The following RCOR1 variants were observed in gnomAD, a reference collection of about 807,000 sequenced individuals.
The protein encoded by RCOR1 is REST corepressor 1, also known as REST corepressor.
RCOR1 carries 12 observed loss-of-function variants against 64.0 expected under a neutral mutation model. The ratio of observed to expected loss-of-function variants is 0.19; its 90% CI spans 0.12 to 0.30. The LOEUF is 0.30. Among genes scored for constraint, RCOR1 ranks in the 10% least tolerant of loss-of-function variants. The pLI is 1.00. For missense variants in RCOR1, 502 were observed against 621.2 expected, an observed-to-expected ratio of 0.81 and a Z score of 2.04; for synonymous variants, 279 against 227.2, an observed-to-expected ratio of 1.23 and a Z score of -2.05.
intron 2 of RCOR1, chr14:102,656,220 A>G (rs1434065519): frequency 1.6e-5 from 7 of 425,176 alleles, no homozygotes; most frequent in Non-Finnish European, 2.2e-5. Flanking sequence ...GCTCACTGCA[A>G]CCTCCACCTC....
intron 2 of RCOR1, among the ~76,000 whole-genome samples, chr14:102,679,832 TTA>T (rs1895267686): frequency 6.6e-6 from 1 of 152,224 alleles, no homozygotes; most frequent in African/African-American, 2.4e-5. Context: ...TTTTTTGTAA[TTA>T]GTCTTGATTT....
At chr14:102,689,374 C>G (rs193213157) in intron 3 of RCOR1, among the ~76,000 whole-genome samples, 12 of 151,926 alleles carry the variant, frequency 7.9e-5, no homozygotes, top group African/African-American at 2.9e-4. Context: ...AGGGGAAGCT[C>G]GGGTATAGCC....
At chr14:102,672,282 G>A (rs113510176) in intron 2 of RCOR1, among the ~76,000 whole-genome samples, 4,335 of 151,866 alleles carry the variant, frequency 0.029, 209 homozygotes, top group African/African-American at 0.1. Flanking sequence ...GTGCGATCTC[G>A]GCTCACTGCA....
chr14:102,705,075 A>G (rs547946267), intron 4 of RCOR1, among the ~76,000 whole-genome samples: 9 of 152,230 alleles, frequency 5.9e-5, no homozygotes, highest in African/African-American at 2.2e-4. Context: ...GCAGTGAGCC[A>G]AGATCATGTC....
rs921616110 is a variant in RCOR1, at chr14:102,654,726, T to A, written c.362-27169T>A. Among the ~76,000 whole-genome samples, 12 of 148,714 alleles carry A rather than the reference T, an allele frequency of 8.1e-5. No homozygotes were observed. The East Asian group carries it at 1.2e-3, about 14-fold the overall frequency. Reference sequence around the variant, plus strand: ...ACAAGAAAATAAAGAAAAAAATTTTTAAAAAAAGAAAAAAAATATAGAATT... The same window carrying A: ...ACAAGAAAATAAAGAAAAAAATTTTAAAAAAAAGAAAAAAAATATAGAATT... On this transcript the variant is annotated intron_variant, in intron 2 of 11. Transcript: ENST00000262241.
chr14:102,722,333 A>G lies in RCOR1; in HGVS notation c.1336A>G (p.Lys446Glu). ...ACAAGAATGGGAGGCAGAACATGGT[A>G]AAGAAGAGACCAATGGGCCCAGTAA... ...VLQEWEAEHG[K>E]EETNGPSNQK... Residue 446 changes from lysine to glutamate, a missense_variant, in exon 11 of 12, where the codon AAA (lysine) becomes GAA (glutamate). Lys to Glu is a moderately conservative substitution (Grantham distance 56, BLOSUM62 1). Around this residue, in one of 2 missense-constraint regions of RCOR1, gnomAD observed 260 missense variants for 416.4 expected, o/e 0.62. Transcript: ENST00000262241. 5.0e-6 allele frequency: 8 copies of G among 1,614,178 alleles called. No individual in the cohort carries two copies. Among genetic ancestry groups the G allele is most frequent in the Non-Finnish European group, 6.8e-6 (8 of 1,180,030 alleles).
chr14:102,609,191 G>C (rs1893577009), intron 2 of RCOR1, among the ~76,000 whole-genome samples: 1 of 150,802 alleles, frequency 6.6e-6, no homozygotes, highest in African/African-American at 2.4e-5. Context: ...GGTTACATGT[G>C]CATGCCACTA....
At chr14:102,686,896 T>C (rs1895433207) in intron 3 of RCOR1, among the ~76,000 whole-genome samples, 1 of 152,240 alleles carries the variant, frequency 6.6e-6, no homozygotes, top group South Asian at 2.1e-4. Flanking sequence ...TCTCCTTTTT[T>C]ACATCGTTGT....
chr14:102,689,498 C>T (rs1448839836), intron 3 of RCOR1, among the ~76,000 whole-genome samples: 1 of 152,076 alleles, frequency 6.6e-6, no homozygotes, highest in African/African-American at 2.4e-5. Context: ...GCTGCTGTTG[C>T]CTTGGGTGTA....
At chr14:102,595,582 T>C (rs1893225136) in intron 2 of RCOR1, among the ~76,000 whole-genome samples, 1 of 143,054 alleles carries the variant, frequency 7.0e-6, no homozygotes, top group Non-Finnish European at 1.5e-5. Context: ...TCCAAATTTC[T>C]TTTTTTTTTT....
chr14:102,698,624 A>T (rs1895692180), intron 3 of RCOR1, among the ~76,000 whole-genome samples: 1 of 152,164 alleles, frequency 6.6e-6, no homozygotes, highest in Non-Finnish European at 1.5e-5. Context: ...TTTACCGCAG[A>T]TTGTTTTCGC....
intron 2 of RCOR1, among the ~76,000 whole-genome samples, chr14:102,601,231 T>A (rs1205409187): frequency 6.6e-6 from 1 of 151,736 alleles, no homozygotes; most frequent in Non-Finnish European, 1.5e-5. Context: ...CAGGCTGGTT[T>A]CGAACTCTTG....
At chr14:102,621,817 C>G (rs1365997075) in intron 2 of RCOR1, among the ~76,000 whole-genome samples, 1 of 152,094 alleles carries the variant, frequency 6.6e-6, no homozygotes, top group African/African-American at 2.4e-5. Context: ...TTTCGCCCTC[C>G]TACATTGATA....
At chr14:102,714,883 C>T (rs556921124) in intron 8 of RCOR1, among the ~76,000 whole-genome samples, 43 of 152,172 alleles carry the variant, frequency 2.8e-4, no homozygotes, top group African/African-American at 1.0e-3. Context: ...ATATATGTGT[C>T]TGTGTCTCCA....
chr14:102,676,343 A>ACC (rs35475812), intron 2 of RCOR1, among the ~76,000 whole-genome samples: 5 of 120,638 alleles, frequency 4.1e-5, no homozygotes, highest in East Asian at 2.5e-4. Flanking sequence ...CGGGGGGCTG[A>ACC]CCCCCCCACC....
chr14:102,715,323 G>A (rs1319413636), intron 8 of RCOR1, among the ~76,000 whole-genome samples: 2 of 147,676 alleles, frequency 1.4e-5, no homozygotes, highest in African/African-American at 2.5e-5. Flanking sequence ...CACCCGCCTC[G>A]GCCTCCCAAA....
At chr14:102,697,175 GT>G (rs1895668006) in intron 3 of RCOR1, among the ~76,000 whole-genome samples, 1 of 152,232 alleles carries the variant, frequency 6.6e-6, no homozygotes, top group African/African-American at 2.4e-5. Flanking sequence ...AGAACATTCT[GT>G]GAGGAGAGGA....
intron 2 of RCOR1, among the ~76,000 whole-genome samples, chr14:102,615,459 T>C (rs1250409917): frequency 1.3e-5 from 2 of 150,334 alleles, no homozygotes; most frequent in African/African-American, 4.9e-5. Flanking sequence ...TTTTTTTTTT[T>C]TTTTTTGAGA....
At chr14:102,627,580 C>T (rs1241423854) in intron 2 of RCOR1, among the ~76,000 whole-genome samples, 2 of 151,764 alleles carry the variant, frequency 1.3e-5, no homozygotes, top group East Asian at 1.9e-4. Flanking sequence ...TCGCTTGAAC[C>T]CGGGAGGCAG....
Sources: gnomAD v4.1 joint callset for allele counts (sites outside exome capture counted in the v4.1 genomes callset) on GRCh38, gnomAD v4.1.1 for gene constraint, gnomAD v4.1.1 regional missense constraint, MANE v1.5 for transcripts, NCBI Gene and HGNC (gene_info 2026-07-23, HGNC 2026-07-21) for gene names.